The following JADE1 variants were observed in gnomAD, a reference collection of about 807,000 sequenced individuals.
JADE1 encodes the protein protein Jade-1.
Under a neutral mutation model 81.8 loss-of-function variants are expected in JADE1, and 14 were observed. The observed-to-expected ratio is 0.17, with a 90% CI of 0.11 to 0.27. The LOEUF (loss-of-function observed/expected upper bound fraction) is 0.27. JADE1 is among the 10% of genes least tolerant of loss of function. The pLI is 1.00. For missense variants in JADE1, 690 were observed against 1,047.9 expected, an observed-to-expected ratio of 0.66 and a Z score of 4.71; for synonymous variants, 353 against 391.9, an observed-to-expected ratio of 0.90 and a Z score of 1.17.
chr4:128,874,544 T>TA lies in JADE1; in HGVS notation c.*2287dup, dbSNP rs974519449. 1 of 151,406 alleles carries TA rather than the reference T, an allele frequency of 6.6e-6. No individual in the cohort carries two copies. The highest frequency in any genetic ancestry group is 2.4e-5 in the African/African-American group (1 of 40,922). 9.4% of individuals were successfully genotyped at this position (151,406 alleles called of 1,614,324 possible). On this transcript the variant is annotated 3_prime_UTR_variant, in exon 11 of 11. Transcript: ENST00000226319. ...CACACAAAAACAAAACACACAAAAATAAAAAGCCCACACTTTTTATTCCTG... is the reference window on the plus strand; with the variant it reads ...CACACAAAAACAAAACACACAAAAATAAAAAAGCCCACACTTTTTATTCCTG...
chr4:128,822,228 G>A (rs1303494250), intron 1 of JADE1, among the ~76,000 whole-genome samples: 1 of 152,160 alleles, frequency 6.6e-6, no homozygotes, highest in African/African-American at 2.4e-5. Context: ...CTGGCCGGGT[G>A]TGGTGGTGTG....
At chr4:128,814,149 G>C (rs1206477770) in intron 1 of JADE1, among the ~76,000 whole-genome samples, 1 of 152,132 alleles carries the variant, frequency 6.6e-6, no homozygotes, top group East Asian at 1.9e-4. Context: ...TGAAAGAGTA[G>C]CTATACAGGG....
At chr4:128,833,836 CTCTG>C (rs1469837645) in intron 2 of JADE1, among the ~76,000 whole-genome samples, 1 of 152,210 alleles carries the variant, frequency 6.6e-6, no homozygotes, top group Admixed American at 6.5e-5. Context: ...TGTATGCTCA[CTCTG>C]TCTGCTCTCG....
At chr4:128,829,178 T>A (rs1044811006) in intron 1 of JADE1, among the ~76,000 whole-genome samples, 1 of 152,210 alleles carries the variant, frequency 6.6e-6, no homozygotes, top group Non-Finnish European at 1.5e-5. Context: ...CTGGTGTTTC[T>A]TGGTTATGGA....
At chr4:128,862,297 C>T in intron 9 of JADE1, 72 bp downstream of exon 9, 1 of 1,593,502 alleles carries the variant, frequency 6.3e-7, no homozygotes, top group Middle Eastern at 1.7e-4. Context: ...TCGCCCAGAG[C>T]AAGAAATGAT....
At chr4:128,869,491 T>C (rs1732029852) in intron 10 of JADE1, among the ~76,000 whole-genome samples, 1 of 152,202 alleles carries the variant, frequency 6.6e-6, no homozygotes, top group Admixed American at 6.5e-5. Context: ...ATTGGAGGGC[T>C]TTCTGCAACT....
At chr4:128,861,262 T>C (rs550590200) in intron 8 of JADE1, among the ~76,000 whole-genome samples, 1 of 152,360 alleles carries the variant, frequency 6.6e-6, no homozygotes, top group Admixed American at 6.5e-5. Flanking sequence ...TCTCTACACA[T>C]GTCATTTGTG....
rs1732335654 is a variant in JADE1 at position 128,873,273 on chromosome 4, G to GAAAAAAAGAAAAAAAAAAAAAAAAAA, written c.*1029_*1030insAAAAAAAAAAAAAAAGAAAAAAAAAA. 3.4e-4 allele frequency: 27 copies of GAAAAAAAGAAAAAAAAAAAAAAAAAA among 78,564 alleles called. No homozygotes were observed. Among genetic ancestry groups the GAAAAAAAGAAAAAAAAAAAAAAAAAA allele is most frequent in the Admixed American group, 6.6e-4 (5 of 7,534 alleles). The allele number at this position is 78,564 out of a possible 1,614,324, so 4.9% of individuals were successfully genotyped here. ...AGAAAAAGGAAAAAAAAAAAAAAAA[G>GAAAAAAAGAAAAAAAAAAAAAAAAAA]AAAAAAAGAAAAAAAAAAGAAAAAA... On this transcript the variant is annotated 3_prime_UTR_variant, in exon 11 of 11. Coordinates refer to ENST00000226319, the MANE Select transcript of JADE1 (RefSeq NM_199320.4).
chr4:128,863,554 T>C, intron 9 of JADE1: 1 of 985,354 alleles, frequency 1.0e-6, no homozygotes, highest in Non-Finnish European at 1.2e-6. Flanking sequence ...GCCAGCTTAT[T>C]TGTGATGCCC....
chr4:128,834,180 C>T (rs761822385), intron 2 of JADE1, among the ~76,000 whole-genome samples: 6 of 152,116 alleles, frequency 3.9e-5, no homozygotes, highest in African/African-American at 9.7e-5. Context: ...GTACCACAGC[C>T]CCCGGTAGTT....
intron 3 of JADE1, among the ~76,000 whole-genome samples, chr4:128,845,057 G>A (rs1222040729): frequency 6.6e-6 from 1 of 152,240 alleles, no homozygotes; most frequent in African/African-American, 2.4e-5. Context: ...ACAGATGCAA[G>A]CTTGCTCGAT....
At position 128,872,617 on chromosome 4, in the gene JADE1, G is replaced by A. The variant is rs1022462058; in HGVS notation, c.*355G>A. 7.6e-6 allele frequency: 2 copies of A among 262,260 alleles called. No homozygotes were observed. The highest frequency in any genetic ancestry group is 4.8e-5 in the Admixed American group (1 of 20,702). The allele number at this position is 262,260 out of a possible 1,614,324, so 16.2% of individuals were successfully genotyped here. Reference sequence around the variant, plus strand: ...ATTCTTCCCAAAGCACAAACTCATGGTTACCTGAATATAGGGAACCAGATA... The same window carrying A: ...ATTCTTCCCAAAGCACAAACTCATGATTACCTGAATATAGGGAACCAGATA... On this transcript the variant is annotated 3_prime_UTR_variant, in exon 11 of 11. Transcript: ENST00000226319.
In JADE1 at chr4:128,873,067, C is replaced by G; in HGVS notation, c.*805C>G. The stretch of plus-strand genomic sequence containing the variant: ...CCTTCTTCTTCCCTAACCACTGGCT[C>G]TTGAGCCAGCTTGGGATTTCCCTGG... On this transcript the variant is annotated 3_prime_UTR_variant, in exon 11 of 11. Transcript: ENST00000226319. 2.8e-6 allele frequency: 1 copy of G among 353,404 alleles called. No homozygotes were observed. The highest frequency in any genetic ancestry group is 5.8e-6 in the Non-Finnish European group (1 of 172,930). 21.9% of individuals were successfully genotyped at this position (353,404 alleles called of 1,614,324 possible).
chr4:128,845,612 C>T (rs1729802543), intron 3 of JADE1, among the ~76,000 whole-genome samples: 1 of 151,992 alleles, frequency 6.6e-6, no homozygotes, highest in Non-Finnish European at 1.5e-5. Context: ...GGGGCAGTCT[C>T]ATTATAGAAG....
chr4:128,852,692 G>C (rs1348166570), intron 6 of JADE1, among the ~76,000 whole-genome samples: 1 of 152,210 alleles, frequency 6.6e-6, no homozygotes, highest in Non-Finnish European at 1.5e-5. Context: ...ACTACAGACT[G>C]TGTGTGCTTA....
intron 1 of JADE1, chr4:128,831,528 A>G (rs1271655738): frequency 4.0e-5 from 21 of 524,930 alleles, no homozygotes; most frequent in Non-Finnish European, 5.8e-5. Flanking sequence ...TGACTTCTCC[A>G]CCCCTCCCCC....
At position 128,871,693 on chromosome 4, in the gene JADE1, C is replaced by T. The variant is rs1184358666; in HGVS notation, c.1960C>T (p.Pro654Ser). The change falls in exon 11 of 11, where the codon CCA becomes TCA. Residue 654 changes from proline (P) to serine (S), a missense_variant. Coordinates refer to ENST00000226319, the MANE Select transcript of JADE1 (RefSeq NM_199320.4). This position sits in a 1 kb window ranked among gnomAD's most constrained non-coding sequence, Gnocchi z 4.1. Reference sequence around the variant, plus strand: ...ACAACAGAAAAATGGTGTGGTGATGCCAGACCATGGGAAAAGAAGAGACAA... The same window carrying T: ...ACAACAGAAAAATGGTGTGGTGATGTCAGACCATGGGAAAAGAAGAGACAA... ...SAQQKNGVVM[P>S]DHGKRRDNRF... 6.2e-7 allele frequency: 1 copy of T among 1,614,078 alleles called. No homozygotes were observed. The highest frequency in any genetic ancestry group is 8.5e-7 in the Non-Finnish European group (1 of 1,180,002).
At chr4:128,815,041 C>A (rs1726873692) in intron 1 of JADE1, among the ~76,000 whole-genome samples, 1 of 150,880 alleles carries the variant, frequency 6.6e-6, no homozygotes, top group Non-Finnish European at 1.5e-5. Flanking sequence ...CGATTTTAAT[C>A]TTAAGTAACT....
intron 9 of JADE1, chr4:128,863,568 C>T (rs905683021): frequency 1.0e-6 from 1 of 985,292 alleles, no homozygotes; most frequent in Non-Finnish European, 1.2e-6. Flanking sequence ...GATGCCCCTT[C>T]CCAGACCAGG....
Sources: gnomAD v4.1 joint callset for allele counts (sites outside exome capture counted in the v4.1 genomes callset) on GRCh38, gnomAD v4.1.1 for gene constraint, Gnocchi (gnomAD v3.1) non-coding constraint, MANE v1.5 for transcripts, NCBI Gene and HGNC (gene_info 2026-07-23, HGNC 2026-07-21) for gene names.